The following CCSER1 variants were observed in gnomAD, a reference collection of about 807,000 sequenced individuals.
CCSER1 encodes serine-rich coiled-coil domain-containing protein 1.
A neutral mutation model predicts 82.0 loss-of-function variants in CCSER1; 41 were observed. That is an observed-to-expected ratio of 0.50 (90% CI 0.39 to 0.65). CCSER1 has a LOEUF of 0.65. CCSER1 is among the 30% of genes least tolerant of loss of function. The pLI, the probability that CCSER1 is intolerant of heterozygous loss-of-function variation, is 0.00. For missense variants in CCSER1, 1,119 were observed against 1,064.2 expected (o/e 1.05, Z -0.72); for synonymous variants, 414 against 383.9 (o/e 1.08, Z -0.92).
intron 4 of CCSER1, among the ~76,000 whole-genome samples, chr4:90,426,267 T>A (rs1051950179): frequency 1.7e-4 from 26 of 152,344 alleles, no homozygotes; most frequent in Admixed American, 1.5e-3. Context: ...ACTATTCAAC[T>A]AACAAAATAG....
chr4:90,914,577 T>G (rs1041943900), intron 8 of CCSER1, among the ~76,000 whole-genome samples: 1 of 151,304 alleles, frequency 6.6e-6, no homozygotes, highest in Non-Finnish European at 1.5e-5. Flanking sequence ...ACATCACAAT[T>G]AAAAGAACTA....
intron 10 of CCSER1, among the ~76,000 whole-genome samples, chr4:91,140,529 A>G (rs1375826861): frequency 1.3e-5 from 2 of 152,148 alleles, no homozygotes; most frequent in Admixed American, 6.6e-5. Flanking sequence ...AAAAGTATAA[A>G]ACACAATCTT....
intron 5 of CCSER1, among the ~76,000 whole-genome samples, chr4:90,523,889 A>G (rs147982644): frequency 6.6e-6 from 1 of 152,204 alleles, no homozygotes; most frequent in Non-Finnish European, 1.5e-5. Flanking sequence ...AATTCTGTAT[A>G]TAGTATTAAG....
intron 5 of CCSER1, among the ~76,000 whole-genome samples, chr4:90,529,675 T>A (rs1179104255): frequency 1.3e-5 from 2 of 152,192 alleles, no homozygotes; most frequent in African/African-American, 4.8e-5. Context: ...ATGCTGCTTT[T>A]TTTGGCCATT....
At chr4:90,543,283 C>T (rs1377864268) in intron 5 of CCSER1, among the ~76,000 whole-genome samples, 1 of 152,088 alleles carries the variant, frequency 6.6e-6, no homozygotes, top group African/African-American at 2.4e-5. Context: ...GAATCTTAGC[C>T]ATGTGTATCT....
chr4:90,545,629 G>GC (rs1409157551), intron 5 of CCSER1, among the ~76,000 whole-genome samples: 1 of 151,860 alleles, frequency 6.6e-6, no homozygotes, highest in Admixed American at 6.6e-5. Flanking sequence ...TCCTCACCCT[G>GC]CCCCTCCCAA....
chr4:90,235,660 A>G (rs1400624820), intron 1 of CCSER1, among the ~76,000 whole-genome samples: 1 of 152,222 alleles, frequency 6.6e-6, no homozygotes, highest in Non-Finnish European at 1.5e-5. Flanking sequence ...ATGCAAGTGT[A>G]AATAGCTTTG....
chr4:90,698,684 A>G (rs1275219377), intron 6 of CCSER1, among the ~76,000 whole-genome samples: 1 of 152,182 alleles, frequency 6.6e-6, no homozygotes, highest in Non-Finnish European at 1.5e-5. Flanking sequence ...TCCTCTGTTA[A>G]CTGAGGTCTG....
chr4:91,023,624 A>T (rs192311653), intron 9 of CCSER1, among the ~76,000 whole-genome samples: 1 of 152,306 alleles, frequency 6.6e-6, no homozygotes, highest in African/African-American at 2.4e-5. Context: ...CTGAAACTGG[A>T]TCCCTTCCTT....
At chr4:90,175,498 C>T (rs1452749024) in intron 1 of CCSER1, among the ~76,000 whole-genome samples, 1 of 151,846 alleles carries the variant, frequency 6.6e-6, no homozygotes. Flanking sequence ...ATCCAATAAT[C>T]CAGAATAAGA....
intron 8 of CCSER1, among the ~76,000 whole-genome samples, chr4:90,820,752 T>C (rs963273654): frequency 6.6e-6 from 1 of 151,120 alleles, no homozygotes; most frequent in African/African-American, 2.4e-5. Flanking sequence ...TATATATTTT[T>C]ATAGCTATGT....
chr4:90,207,965 G>A (rs2153411872), intron 1 of CCSER1, among the ~76,000 whole-genome samples: 1 of 152,286 alleles, frequency 6.6e-6, no homozygotes, highest in East Asian at 1.9e-4. Context: ...CCAGTCAGGG[G>A]GAATGGGGGT....
At chr4:91,575,095 C>A in intron 10 of CCSER1, among the ~76,000 whole-genome samples, 1 of 150,876 alleles carries the variant, frequency 6.6e-6, no homozygotes, top group Non-Finnish European at 1.5e-5. Flanking sequence ...ACAAAGAAAA[C>A]CAAGAATACA....
At chr4:91,171,958 GTTCAT>G (rs1482992056) in intron 10 of CCSER1, among the ~76,000 whole-genome samples, 2 of 151,352 alleles carry the variant, frequency 1.3e-5, no homozygotes, top group Non-Finnish European at 2.9e-5. Context: ...TAGCTATTTG[GTTCAT>G]TTTTCCCCAA....
intron 5 of CCSER1, among the ~76,000 whole-genome samples, chr4:90,488,486 C>A (rs893667701): frequency 6.6e-6 from 1 of 152,100 alleles, no homozygotes; most frequent in Non-Finnish European, 1.5e-5. Flanking sequence ...CTGCACCAGG[C>A]GACGTCCTCT....
chr4:90,358,373 A>G (rs1744720998), intron 3 of CCSER1, among the ~76,000 whole-genome samples: 1 of 152,104 alleles, frequency 6.6e-6, no homozygotes, highest in Non-Finnish European at 1.5e-5. Context: ...CTAGCTCTGT[A>G]TGACTTTGGT....
At position 90,287,470 on chromosome 4, in the gene CCSER1, T is replaced by C. The variant is rs184731036; in HGVS notation, c.-41-20774T>C. Among the ~76,000 whole-genome samples, 315 of 151,996 alleles carry C rather than the reference T, an allele frequency of 2.1e-3. 2 individuals are homozygous for C. The highest frequency in any genetic ancestry group is 7.3e-3 in the African/African-American group (305 of 41,536). The stretch of plus-strand genomic sequence containing the variant: ...TGAAATTCTTTAGCAGGATACAACA[T>C]TGCATAGGCACTTTATCTCGGTGAC... On this transcript the variant is annotated intron_variant, in intron 1 of 10. Transcript: ENST00000509176.
chr4:90,774,336 T>C (rs1752618498), intron 7 of CCSER1, among the ~76,000 whole-genome samples: 1 of 152,150 alleles, frequency 6.6e-6, no homozygotes, highest in African/African-American at 2.4e-5. Flanking sequence ...TGACTTGATT[T>C]TTCTCTTTGC....
intron 7 of CCSER1, among the ~76,000 whole-genome samples, chr4:90,795,957 T>C (rs1755949262): frequency 6.7e-6 from 1 of 150,072 alleles, no homozygotes; most frequent in Non-Finnish European, 1.5e-5. Flanking sequence ...TGAAGTTTTT[T>C]GTTGTTGTGT....
Sources: gnomAD v4.1 joint callset for allele counts (sites outside exome capture counted in the v4.1 genomes callset) on GRCh38, gnomAD v4.1.1 for gene constraint, MANE v1.5 for transcripts, NCBI Gene and HGNC (gene_info 2026-07-23, HGNC 2026-07-21) for gene names.